The following ABCC10 variants were observed in gnomAD, a reference collection of about 807,000 sequenced individuals.
ABCC10 encodes the protein ATP binding cassette subfamily C member 10, also known as ATP-binding cassette sub-family C member 10.
In ABCC10, 110 loss-of-function variants were observed where a neutral mutation model predicts 143.2. The observed-to-expected ratio is 0.77, with a 90% CI of 0.66 to 0.90. ABCC10 has a LOEUF of 0.90. Ranked by LOEUF, ABCC10 falls within the 40% of genes least tolerant of loss-of-function variation. The pLI, the probability that ABCC10 is intolerant of heterozygous loss-of-function variation, is 0.00. For missense variants in ABCC10, 1,700 were observed against 1,900.5 expected (o/e 0.89, Z 1.96); for synonymous variants, 805 against 846.7 (o/e 0.95, Z 0.85).
rs1783516692 is a variant in ABCC10 at position 43,449,492 on chromosome 6, G to A, written c.4274G>A (p.Cys1425Tyr). 1.2e-6 allele frequency: 2 copies of A among 1,613,920 alleles called. No homozygotes were observed. The highest frequency in any genetic ancestry group is 8.5e-7 in the Non-Finnish European group (1 of 1,179,964). Residue 1425 changes from cysteine to tyrosine, a missense_variant, in exon 21 of 22, where the codon TGC becomes TAC. Physicochemically the swap from Cys to Tyr is radical, Grantham distance 194. Coordinates refer to ENST00000372530, the MANE Select transcript of ABCC10 (RefSeq NM_001198934.2). ...GACCAGCTGCTCCAGCAGACCATCT[G>A]CAAACGCTTTGCCAACAAGACAGTG... Reference protein sequence around the residue: ...KTDQLLQQTICKRFANKTVLT... With the variant: ...KTDQLLQQTIYKRFANKTVLT...
chr6:43,438,292 G>A lies in ABCC10; in HGVS notation c.1955+279G>A. The A allele has an allele frequency of 2.3e-6, 3 of 1,314,282 alleles. 1 individual carries two copies. The highest frequency in any genetic ancestry group is 2.8e-4 in the Middle Eastern group (1 of 3,632). The allele number at this position is 1,314,282 out of a possible 1,614,324, so 81.4% of individuals were successfully genotyped here. A position where few individuals can be genotyped will look rare whatever the true frequency, so the allele number is the denominator to read the frequency against. On this transcript the variant is annotated intron_variant, in intron 7 of 21. Transcript: ENST00000372530. Reference sequence around the variant, plus strand: ...TCAGAAATGTGGCTGTGCAGAGAAGGGATCCAGAGAGGAGCATAGGTTTGA... The same window carrying A: ...TCAGAAATGTGGCTGTGCAGAGAAGAGATCCAGAGAGGAGCATAGGTTTGA...
intron 8 of ABCC10, among the ~76,000 whole-genome samples, chr6:43,440,965 T>A (rs770505201): frequency 3.3e-5 from 5 of 150,090 alleles, no homozygotes; most frequent in Non-Finnish European, 7.4e-5. Flanking sequence ...TAGCTGGGTG[T>A]CATGGCTCAC....
chr6:43,442,851 C>G (rs1032760589), intron 9 of ABCC10, 119 bp from the exon 10 acceptor site: 2 of 904,366 alleles, frequency 2.2e-6, no homozygotes, highest in African/African-American at 3.4e-5. Flanking sequence ...TCACCTCCTT[C>G]TCTGCTAGTG....
In ABCC10 at chr6:43,438,624, G is replaced by A; in HGVS notation, c.1956G>A (p.Arg652=). Residue 652 remains arginine, a splice_region_variant and synonymous_variant, in exon 8 of 22, where the codon AGG becomes AGA. Coordinates refer to ENST00000372530, the MANE Select transcript of ABCC10 (RefSeq NM_001198934.2). ...ATATTGCTCGCCTGGCTCTCTGCAG[G>A]CTGCGTGGGCATGTGGCAGTGCGGG... ...LLAAIAGELH[R]LRGHVAVRGL... 1.2e-6 allele frequency: 2 copies of A among 1,613,666 alleles called. No individual in the cohort carries two copies. The highest frequency in any genetic ancestry group is 1.7e-6 in the Non-Finnish European group (2 of 1,179,956).
At chr6:43,431,117 A>G (rs1781077813) in intron 2 of ABCC10, among the ~76,000 whole-genome samples, 1 of 152,180 alleles carries the variant, frequency 6.6e-6, no homozygotes, top group Non-Finnish European at 1.5e-5. Context: ...AAAAAGAGAT[A>G]TTTTTCTTTA....
At position 43,446,858 on chromosome 6, in the gene ABCC10, T is replaced by TG. The variant is rs1240063234; in HGVS notation, c.3545-390_3545-389insG. The TG allele has an allele frequency of 4.6e-6, 5 of 1,083,912 alleles. No individual in the cohort carries two copies. In the African/African-American group the frequency reaches 6.7e-5, roughly 15 times the overall value. The allele number at this position is 1,083,912 out of a possible 1,614,324, so 67.1% of individuals were successfully genotyped here. On this transcript the variant is annotated intron_variant, in intron 16 of 21. Coordinates refer to ENST00000372530, the MANE Select transcript of ABCC10 (RefSeq NM_001198934.2). ...TCTCTGTTGCTTTTTTGTTTTGTTTTTTTTTTTGAGATGGAGTCTCGCTCT... is the reference window on the plus strand; with the variant it reads ...TCTCTGTTGCTTTTTTGTTTTGTTTTGTTTTTTTGAGATGGAGTCTCGCTCT...
intron 2 of ABCC10, among the ~76,000 whole-genome samples, chr6:43,429,230 G>A: frequency 2.8e-5 from 1 of 35,214 alleles, no homozygotes; most frequent in East Asian, 1.9e-3. Flanking sequence ...GAGACTTGAA[G>A]GGGTGATGAG....
At chr6:43,446,969 T>C (rs530822052) in intron 16 of ABCC10, 29 of 833,478 alleles carry the variant, frequency 3.5e-5, no homozygotes, top group Non-Finnish European at 4.4e-5. Context: ...TGTCTCAGCC[T>C]CCCAAGTAGC....
chr6:43,440,401 A>C (rs1177995867), intron 8 of ABCC10, among the ~76,000 whole-genome samples: 1 of 152,188 alleles, frequency 6.6e-6, no homozygotes, highest in Non-Finnish European at 1.5e-5. Flanking sequence ...CCTGAGCTAA[A>C]AGCTTTGTTG....
chr6:43,431,988 G>C lies in ABCC10; in HGVS notation c.162-154G>C, dbSNP rs527681700. ...TCTGGGAAGACTTCCTGGGAGAAAA[G>C]ACCCTGGGTTCTGAGGTAAAGTGGA... On this transcript the variant is annotated intron_variant, in intron 2 of 21. Coordinates refer to ENST00000372530, the MANE Select transcript of ABCC10 (RefSeq NM_001198934.2). The C allele has an allele frequency of 1.4e-4, 201 of 1,436,564 alleles. No individual in the cohort carries two copies. In the African/African-American group the frequency reaches 2.7e-3, roughly 19 times the overall value. 89.0% of individuals were successfully genotyped at this position (1,436,564 alleles called of 1,614,324 possible).
intron 2 of ABCC10, 23 bp from the exon 3 acceptor site, chr6:43,432,119 C>T: frequency 1.2e-6 from 2 of 1,610,364 alleles, no homozygotes; most frequent in Non-Finnish European, 1.7e-6. Context: ...GATGTGCCTC[C>T]TTGTCTTCCC....
At chr6:43,438,832 T>A in intron 8 of ABCC10, 37 bp downstream of exon 8, 1 of 1,608,874 alleles carries the variant, frequency 6.2e-7, no homozygotes, top group Non-Finnish European at 8.5e-7. Flanking sequence ...AGCTGCCTGT[T>A]TCTCCAGTGT....
In ABCC10 at chr6:43,436,848, C is replaced by T. The variant is rs146690133; in HGVS notation, c.1875+601C>T. 2.8e-3 allele frequency among the ~76,000 whole-genome samples: 421 copies of T among 152,324 alleles called. 3 individuals carry two copies. Among genetic ancestry groups the T allele is most frequent in the Non-Finnish European group, 4.3e-3 (294 of 68,034 alleles). ...AATTGCCTCCACCACATTTGGCTCA[C>T]GTTTCTGGCTTGGGCTGTATGTTTT... On this transcript the variant is annotated intron_variant, in intron 6 of 21. Transcript: ENST00000372530.
At chr6:43,451,699 G>A (rs1013369110), downstream of ABCC10, among the ~76,000 whole-genome samples, 1 of 148,870 alleles carries the variant, frequency 6.7e-6, no homozygotes, top group Non-Finnish European at 1.5e-5. This position sits in a 1 kb window ranked among gnomAD's most constrained non-coding sequence, Gnocchi z 4.4. Context: ...AACCAGAACA[G>A]TCACACGTTT....
intron 6 of ABCC10, 58 bp downstream of exon 6, chr6:43,436,305 A>C: frequency 6.4e-6 from 10 of 1,574,772 alleles, no homozygotes; most frequent in Non-Finnish European, 8.7e-6. Context: ...ATGGGAACTC[A>C]TGTCAGAGAA....
chr6:43,437,433 C>CAAAAAAAAAAAAA (rs57827467), intron 6 of ABCC10, among the ~76,000 whole-genome samples: 3 of 102,392 alleles, frequency 2.9e-5, no homozygotes, highest in African/African-American at 6.4e-5. Flanking sequence ...AACATATGAC[C>CAAAAAAAAAAAAA]AAAAAAAAAA....
intron 2 of ABCC10, among the ~76,000 whole-genome samples, chr6:43,429,187 A>G (rs935950564): frequency 2.0e-5 from 3 of 152,130 alleles, no homozygotes; most frequent in African/African-American, 7.2e-5. Flanking sequence ...TGCTCACCAT[A>G]CTGGTGAGGA....
intron 8 of ABCC10, among the ~76,000 whole-genome samples, chr6:43,439,824 T>C (rs566136143): frequency 7.9e-5 from 12 of 152,108 alleles, no homozygotes; most frequent in Non-Finnish European, 1.6e-4. Context: ...CCTTGTGATC[T>C]GCCCACCTTG....
At chr6:43,442,333 C>T (rs774411336) in intron 9 of ABCC10, among the ~76,000 whole-genome samples, 4 of 151,984 alleles carry the variant, frequency 2.6e-5, no homozygotes, top group Non-Finnish European at 5.9e-5. Context: ...TTTGAGAGGC[C>T]GAGGAGGGTG....
Sources: allele counts gnomAD v4.1 joint callset (sites outside exome capture counted in the v4.1 genomes callset), GRCh38; gene constraint gnomAD v4.1.1; non-coding constraint Gnocchi (gnomAD v3.1); transcripts MANE v1.5; gene names NCBI Gene and HGNC (gene_info 2026-07-23, HGNC 2026-07-21).